The following HEATR4 variants were observed in gnomAD, a reference collection of about 807,000 sequenced individuals.
The protein encoded by HEATR4 is HEAT repeat-containing protein 4.
A neutral mutation model predicts 108.8 loss-of-function variants in HEATR4; 95 were observed. The ratio of observed to expected loss-of-function variants is 0.87; its 90% CI spans 0.74 to 1.04. The LOEUF (loss-of-function observed/expected upper bound fraction) is 1.04, where lower values mean the gene tolerates loss of function less well. Among genes scored for constraint, HEATR4 ranks in the 50% least tolerant of loss-of-function variants. HEATR4 has a pLI of 0.00. For synonymous variants in HEATR4, 443 were observed against 459.4 expected (o/e 0.96, Z 0.46); for missense variants, 1,152 against 1,253.8 (o/e 0.92, Z 1.23).
At chr14:73,493,836 T>TCAAAAA (rs967499091) in intron 16 of HEATR4, among the ~76,000 whole-genome samples, 1 of 152,212 alleles carries the variant, frequency 6.6e-6, no homozygotes, top group Non-Finnish European at 1.5e-5. Flanking sequence ...AGACTCCGTC[T>TCAAAAA]CAAAAACAAA....
the HEATR4 span, among the ~76,000 whole-genome samples, chr14:73,588,231 C>T: frequency 6.6e-6 from 1 of 152,100 alleles, no homozygotes; most frequent in East Asian, 1.9e-4. Context: ...AACTCCTGAC[C>T]TCAAGTGATC....
At chr14:73,606,370 C>CA in the HEATR4 span, among the ~76,000 whole-genome samples, 2 of 100,724 alleles carry the variant, frequency 2.0e-5, no homozygotes, top group African/African-American at 8.5e-5. Flanking sequence ...AAGAAACAAA[C>CA]AAACAAAACA....
chr14:73,508,297 G>T lies in HEATR4; in HGVS notation c.1721-3C>A. The T allele has an allele frequency of 6.2e-7, 1 of 1,613,142 alleles. No homozygotes were observed. Among genetic ancestry groups the T allele is most frequent in the South Asian group, 1.1e-5 (1 of 91,042 alleles). On this transcript the variant is annotated splice_region_variant and splice_polypyrimidine_tract_variant and intron_variant, in intron 8 of 17. Transcript: ENST00000553558. ...AGCCCAGCTATCCACACTGTTACCT[G>T]CCACAGTTGGGTGAAAAAGAGTTCA...
At chr14:73,483,639 CG>C (rs1018002384) in intron 17 of HEATR4, among the ~76,000 whole-genome samples, 4 of 151,558 alleles carry the variant, frequency 2.6e-5, no homozygotes, top group Non-Finnish European at 5.9e-5. Context: ...GAAATGTGAG[CG>C]TTTTTTTTTA....
At chr14:73,491,527 G>A (rs964495111) in intron 17 of HEATR4, 3 of 1,524,120 alleles carry the variant, frequency 2.0e-6, no homozygotes, top group Non-Finnish European at 2.6e-6. Context: ...CGTCGGGGCC[G>A]CAGGTGGATA....
the HEATR4 span, among the ~76,000 whole-genome samples, chr14:73,567,368 G>A: frequency 6.6e-6 from 1 of 152,146 alleles, no homozygotes; most frequent in Non-Finnish European, 1.5e-5. Context: ...TCTGGGTTGG[G>A]TGGGGACTTG....
chr14:73,585,820 C>CG, the HEATR4 span, among the ~76,000 whole-genome samples: 1 of 115,570 alleles, frequency 8.7e-6, no homozygotes, highest in Non-Finnish European at 1.7e-5. Context: ...TTGTCTTTTT[C>CG]TTTTTTTTTT....
the HEATR4 span, chr14:73,612,815 TG>T: frequency 1.4e-6 from 2 of 1,423,310 alleles, no homozygotes. Context: ...GGGGCTGCTG[TG>T]GGCGTTGGAG....
At chr14:73,505,827 A>G (rs539667643) in intron 10 of HEATR4, among the ~76,000 whole-genome samples, 5 of 152,088 alleles carry the variant, frequency 3.3e-5, no homozygotes, top group East Asian at 1.9e-4. Context: ...GCGGGGGGGA[A>G]ATATGTCATT....
chr14:73,552,511 G>A (rs566610076), intron 1 of HEATR4, among the ~76,000 whole-genome samples: 2 of 86,750 alleles, frequency 2.3e-5, no homozygotes, highest in Admixed American at 2.7e-4. Context: ...CAAGCTCAGA[G>A]GAGGCAGAGG....
At position 73,524,154 on chromosome 14, in the gene HEATR4, C is replaced by T. The variant is rs768671083; in HGVS notation, c.-72-930G>A. The stretch of plus-strand genomic sequence containing the variant: ...AAAAATACAAAAAATTAGCCAGGCG[C>T]GGTGGCATGTGCCTGTAATCCCAGC... On this transcript the variant is annotated intron_variant, in intron 2 of 17. Transcript: ENST00000553558. Among the ~76,000 whole-genome samples the T allele has an allele frequency of 4.0e-4, 61 of 151,188 alleles. 1 individual carries two copies. Among genetic ancestry groups the T allele is most frequent in the Admixed American group, 1.7e-3 (26 of 15,160 alleles).
At chr14:73,597,161 G>A in the HEATR4 span, among the ~76,000 whole-genome samples, 1 of 151,640 alleles carries the variant, frequency 6.6e-6, no homozygotes, top group Admixed American at 6.6e-5. Context: ...TCAGCTCACT[G>A]CAAGCTCCGC....
the HEATR4 span, among the ~76,000 whole-genome samples, chr14:73,623,411 T>G: frequency 6.6e-6 from 1 of 152,134 alleles, no homozygotes. Flanking sequence ...CAGGTGGGCA[T>G]GGTGGCTCAT....
intron 2 of HEATR4, among the ~76,000 whole-genome samples, chr14:73,524,310 A>AAAAAAAAAAAAAT: frequency 3.7e-5 from 2 of 54,788 alleles, no homozygotes; most frequent in Non-Finnish European, 6.2e-5. Context: ...AAAAAAAAAA[A>AAAAAAAAAAAAAT]ATATATATAT....
intron 17 of HEATR4, chr14:73,491,402 C>G (rs987735574): frequency 2.4e-5 from 32 of 1,345,788 alleles, no homozygotes; most frequent in Non-Finnish European, 3.0e-5. Context: ...TTCCGCGCCG[C>G]CCGCGCGCCT....
the HEATR4 span, among the ~76,000 whole-genome samples, chr14:73,588,131 A>G: frequency 6.6e-6 from 1 of 151,688 alleles, no homozygotes; most frequent in African/African-American, 2.4e-5. Flanking sequence ...CCTCTCCAGT[A>G]TCTGGGATTA....
chr14:73,608,166 AC>A, the HEATR4 span, among the ~76,000 whole-genome samples: 1 of 151,286 alleles, frequency 6.6e-6, no homozygotes. Context: ...CTTGTGACCC[AC>A]CTGCCTTGGC....
At chr14:73,624,050 C>A in the HEATR4 span, among the ~76,000 whole-genome samples, 1 of 151,940 alleles carries the variant, frequency 6.6e-6, no homozygotes, top group East Asian at 1.9e-4. Context: ...ATTTTGGGAG[C>A]CTGAGGTGGG....
chr14:73,497,857 C>A (rs1470729398), intron 14 of HEATR4, among the ~76,000 whole-genome samples: 1 of 152,026 alleles, frequency 6.6e-6, no homozygotes, highest in African/African-American at 2.4e-5. Flanking sequence ...AACTCCCGAC[C>A]TCAGGTGATC....
Sources: allele counts gnomAD v4.1 joint callset (sites outside exome capture counted in the v4.1 genomes callset), GRCh38; gene constraint gnomAD v4.1.1; transcripts MANE v1.5; gene names NCBI Gene and HGNC (gene_info 2026-07-23, HGNC 2026-07-21).